Variants in CELF2 observed in about 807,000 individuals in gnomAD.
CELF2 encodes the protein CUGBP Elav-like family member 2.
CELF2 carries 8 observed loss-of-function variants against 62.6 expected under a neutral mutation model. That is an observed-to-expected ratio of 0.13 (90% CI 0.07 to 0.23). The LOEUF (loss-of-function observed/expected upper bound fraction) is 0.23. CELF2 is among the 10% of genes least tolerant of loss of function. The probability of loss-of-function intolerance (pLI) is 1.00; values close to 1 mark genes in which losing one functional copy is unlikely to be tolerated. For synonymous variants in CELF2, 258 were observed against 250.0 expected, an observed-to-expected ratio of 1.03 and a Z score of -0.30; for missense variants, 333 against 671.0, an observed-to-expected ratio of 0.50 and a Z score of 5.56.
Position 11,221,692 on chromosome 10 carries a change from G to A in CELF2, c.354+4185G>A, listed in dbSNP as rs74825017. ...CCTCTTAAATTTTAACAGCAAGGAG[G>A]AAGCTGCGGAATCTAAATGTCTTGT... On this transcript the variant is annotated intron_variant, in intron 3 of 12. Coordinates refer to ENST00000633077, the MANE Select transcript of CELF2 (RefSeq NM_001326342.2). 6.6e-3 allele frequency among the ~76,000 whole-genome samples: 1,004 copies of A among 152,326 alleles called. 7 individuals carry two copies. The highest frequency in any genetic ancestry group is 0.023 in the African/African-American group (964 of 41,568).
At chr10:10,819,349 C>A (rs966315909) in intron 1 of CELF2, among the ~76,000 whole-genome samples, 10 of 152,086 alleles carry the variant, frequency 6.6e-5, no homozygotes, top group Admixed American at 3.9e-4. Flanking sequence ...TCTGGGATAA[C>A]CCTATTTGAA....
At chr10:10,544,946 A>C in the CELF2 span, among the ~76,000 whole-genome samples, 1 of 152,230 alleles carries the variant, frequency 6.6e-6, no homozygotes, top group Non-Finnish European at 1.5e-5. Context: ...GGGTTCCTAC[A>C]TCTAAAAGAA....
intron 1 of CELF2, among the ~76,000 whole-genome samples, chr10:10,894,098 C>G (rs1186848523): frequency 6.6e-6 from 1 of 151,580 alleles, no homozygotes; most frequent in Non-Finnish European, 1.5e-5. Flanking sequence ...AGTTTTTAAC[C>G]TGATTCTTAT....
chr10:10,492,223 T>C, the CELF2 span, among the ~76,000 whole-genome samples: 7 of 152,166 alleles, frequency 4.6e-5, no homozygotes, highest in Non-Finnish European at 5.9e-5. Context: ...CACATCTCCA[T>C]CTCTAATCCG....
At chr10:10,779,420 T>C in the CELF2 span, among the ~76,000 whole-genome samples, 1 of 152,200 alleles carries the variant, frequency 6.6e-6, no homozygotes, top group Admixed American at 6.5e-5. Context: ...CAAATGTCTT[T>C]ATTCTTGGGC....
At chr10:10,529,786 C>A in the CELF2 span, among the ~76,000 whole-genome samples, 1 of 151,282 alleles carries the variant, frequency 6.6e-6, no homozygotes, top group Non-Finnish European at 1.5e-5. Context: ...CTGCCTCAGT[C>A]AGAACACTAA....
chr10:10,772,154 A>G, the CELF2 span, among the ~76,000 whole-genome samples: 1 of 152,062 alleles, frequency 6.6e-6, no homozygotes, highest in South Asian at 2.1e-4. Flanking sequence ...AAGTATTATT[A>G]TATTCAAGAA....
chr10:10,614,486 TAAACA>T, the CELF2 span, among the ~76,000 whole-genome samples: 4 of 152,120 alleles, frequency 2.6e-5, no homozygotes, highest in Non-Finnish European at 5.9e-5. Context: ...TGGCTCCATT[TAAACA>T]AAACAAAACT....
chr10:10,595,014 C>A, the CELF2 span, among the ~76,000 whole-genome samples: 6 of 152,142 alleles, frequency 3.9e-5, no homozygotes, highest in Non-Finnish European at 8.8e-5. Context: ...TGAGGGACTG[C>A]CCCCAGGCAA....
upstream of CELF2, among the ~76,000 whole-genome samples, chr10:10,795,690 T>C (rs544955670): frequency 2.6e-4 from 40 of 152,336 alleles, no homozygotes; most frequent in Non-Finnish European, 1.5e-5. Context: ...CAGTATGTGA[T>C]AGCATGGAAT....
At chr10:11,236,407 T>C (rs539564354) in intron 3 of CELF2, among the ~76,000 whole-genome samples, 31 of 152,250 alleles carry the variant, frequency 2.0e-4, no homozygotes, top group Middle Eastern at 3.4e-3. Flanking sequence ...CTGCCTGGAG[T>C]GGATGGAGGA....
intron 1 of CELF2, among the ~76,000 whole-genome samples, chr10:11,136,624 GATAA>G (rs2060479604): frequency 6.6e-6 from 1 of 151,960 alleles, no homozygotes; most frequent in Admixed American, 6.6e-5. Context: ...TAAATTAATA[GATAA>G]ATAAATATAA....
chr10:10,852,705 G>A (rs546476278), intron 1 of CELF2, among the ~76,000 whole-genome samples: 16 of 152,276 alleles, frequency 1.1e-4, no homozygotes, highest in African/African-American at 2.9e-4. Context: ...TGTTACCCTC[G>A]GGGGAAATGG....
intron 1 of CELF2, among the ~76,000 whole-genome samples, chr10:11,150,990 T>C (rs1353802283): frequency 6.6e-6 from 1 of 152,212 alleles, no homozygotes; most frequent in East Asian, 1.9e-4. Flanking sequence ...CCCCAACACC[T>C]TTCAAGAATG....
At chr10:10,582,039 T>TG in the CELF2 span, among the ~76,000 whole-genome samples, 1 of 151,166 alleles carries the variant, frequency 6.6e-6, no homozygotes, top group Non-Finnish European at 1.5e-5. Context: ...AAAAAAAGGG[T>TG]GGGGGGTCAC....
chr10:10,656,897 A>G, the CELF2 span, among the ~76,000 whole-genome samples: 1 of 149,776 alleles, frequency 6.7e-6, no homozygotes, highest in African/African-American at 2.5e-5. Flanking sequence ...TAAAAAAATA[A>G]CTTGCACATG....
Position 11,080,407 on chromosome 10 carries a change from T to C in CELF2, c.74+62244T>C, listed in dbSNP as rs1003304516. Among the ~76,000 whole-genome samples, 3 of 152,304 alleles carry C rather than the reference T, an allele frequency of 2.0e-5. No homozygotes were observed. In the South Asian group the frequency reaches 6.2e-4, roughly 32 times the overall value. On this transcript the variant is annotated intron_variant, in intron 1 of 12. Coordinates refer to ENST00000633077, the MANE Select transcript of CELF2 (RefSeq NM_001326342.2). ...GAATGAGCAAGTGGGCGAGTACATA[T>C]ATTTAGTGGGATGTGGCTATTACTA...
chr10:10,498,798 C>T, the CELF2 span, among the ~76,000 whole-genome samples: 1 of 152,128 alleles, frequency 6.6e-6, no homozygotes, highest in Non-Finnish European at 1.5e-5. Flanking sequence ...TTAAAAAGGA[C>T]ATTGACATGC....
the CELF2 span, among the ~76,000 whole-genome samples, chr10:10,656,918 T>TAAAAAA: frequency 8.0e-6 from 1 of 124,914 alleles, no homozygotes. Context: ...GTAGAATCAA[T>TAAAAAA]AAAAAAAAAA....
Sources: allele counts gnomAD v4.1 joint callset (sites outside exome capture counted in the v4.1 genomes callset), GRCh38; gene constraint gnomAD v4.1.1; transcripts MANE v1.5; gene names NCBI Gene and HGNC (gene_info 2026-07-23, HGNC 2026-07-21).